Variants in TNFRSF10B observed in about 807,000 individuals in gnomAD.
The protein encoded by TNFRSF10B is tumor necrosis factor receptor superfamily member 10B.
A neutral mutation model predicts 41.4 loss-of-function variants in TNFRSF10B; 35 were observed. The ratio of observed to expected loss-of-function variants is 0.85; its 90% CI spans 0.65 to 1.12. The LOEUF (loss-of-function observed/expected upper bound fraction) is 1.12, where lower values mean the gene tolerates loss of function less well. Ranked by LOEUF, TNFRSF10B falls within the 50% of genes most tolerant of loss-of-function variation. The pLI is 0.00. For missense variants in TNFRSF10B, 584 were observed against 552.7 expected (o/e 1.06, Z -0.57); for synonymous variants, 230 against 215.5 (o/e 1.07, Z -0.59).
rs2128810874 is a variant in TNFRSF10B at position 23,024,226 on chromosome 8, C to A, written c.971G>T (p.Arg324Met). 2 of 1,613,470 alleles carry A rather than the reference C, an allele frequency of 1.2e-6. No homozygotes were observed. Among genetic ancestry groups the A allele is most frequent in the East Asian group, 2.2e-5 (1 of 44,880 alleles). ...PAEAERSQRR[R>M]LLVPANEGDP... The stretch of plus-strand genomic sequence containing the variant: ...ACCTTCATTTGCTGGAACCAGCAGC[C>A]TCCTCCTCTGAGACCTTTCAGCTTC... Residue 324 changes from arginine (R) to methionine (M), a missense_variant, in exon 8 of 9, where the codon AGG becomes ATG. Arg to Met is a moderately conservative substitution (Grantham distance 91). Transcript: ENST00000276431.
chr8:23,022,918 C>T lies in TNFRSF10B; in HGVS notation c.1076G>A (p.Arg359Lys). ...CTCATTGTCCATGAGGCCCAACTTC[C>T]TCATGAGCGGCTCCCAGGAGTCAAA... Reference protein sequence around the residue: ...VPFDSWEPLMRKLGLMDNEIK... With the variant: ...VPFDSWEPLMKKLGLMDNEIK... Residue 359 changes from arginine to lysine, a missense_variant, in exon 9 of 9, where the codon AGG becomes AAG. Arg to Lys is a conservative substitution (Grantham distance 26). Transcript: ENST00000276431. The T allele has an allele frequency of 1.2e-6, 2 of 1,614,108 alleles. No individual in the cohort carries two copies. Among genetic ancestry groups the T allele is most frequent in the Non-Finnish European group, 1.7e-6 (2 of 1,180,030 alleles).
rs1347031274 is a variant in TNFRSF10B at position 23,020,174 on chromosome 8, T to C, written c.*2497A>G. 2 of 420,680 alleles carry C rather than the reference T, an allele frequency of 4.8e-6. No homozygotes were observed. Among genetic ancestry groups the C allele is most frequent in the Non-Finnish European group, 9.6e-6 (2 of 208,526 alleles). 26.1% of individuals were successfully genotyped at this position (420,680 alleles called of 1,614,324 possible). A position where few individuals can be genotyped will look rare whatever the true frequency, so the allele number is the denominator to read the frequency against. On this transcript the variant is annotated 3_prime_UTR_variant, in exon 9 of 9. Transcript: ENST00000276431. The stretch of plus-strand genomic sequence containing the variant: ...CATATTTAATTTGGTCATGGATTCA[T>C]AAATACATAAGTATTTTGTACACAA...
intron 1 of TNFRSF10B, among the ~76,000 whole-genome samples, chr8:23,049,275 C>G (rs1248298651): frequency 6.6e-6 from 1 of 151,990 alleles, no homozygotes; most frequent in Non-Finnish European, 1.5e-5. Flanking sequence ...GTAACAAAAC[C>G]CCACCAAGAG....
At chr8:23,027,805 C>T in intron 5 of TNFRSF10B, 52 bp from the exon 6 acceptor site, 2 of 1,611,534 alleles carry the variant, frequency 1.2e-6, no homozygotes, top group South Asian at 2.2e-5. Context: ...ATGAAGCACC[C>T]CCCTCCCAGA....
chr8:23,039,093 T>C (rs561260753), intron 2 of TNFRSF10B, among the ~76,000 whole-genome samples: 1 of 151,918 alleles, frequency 6.6e-6, no homozygotes, highest in South Asian at 2.1e-4. Context: ...CATCAGGCAT[T>C]AGATTCTCAT....
In TNFRSF10B at chr8:23,021,335, AC is replaced by A; in HGVS notation, c.*1335del. ...CAAGGTCCTCAAGTAGGCAATCTGTACCCTAAAAGGCAGCTCATGGGCTCAG... is the reference window on the plus strand; with the variant it reads ...CAAGGTCCTCAAGTAGGCAATCTGTACCTAAAAGGCAGCTCATGGGCTCAG... On this transcript the variant is annotated 3_prime_UTR_variant, in exon 9 of 9. Coordinates refer to ENST00000276431, the MANE Select transcript of TNFRSF10B (RefSeq NM_003842.5). The A allele has an allele frequency of 4.4e-6, 2 of 454,112 alleles. No homozygotes were observed. Among genetic ancestry groups the A allele is most frequent in the Non-Finnish European group, 8.8e-6 (2 of 226,800 alleles). The allele number at this position is 454,112 out of a possible 1,614,324, so 28.1% of individuals were successfully genotyped here.
At chr8:23,030,611 T>G (rs910827790) in intron 3 of TNFRSF10B, 148 bp downstream of exon 3, 2 of 670,318 alleles carry the variant, frequency 3.0e-6, no homozygotes, top group Non-Finnish European at 5.4e-6. Flanking sequence ...TTTTATTTAT[T>G]AAAAAGCTCA....
chr8:23,034,984 G>A (rs1352276966), intron 2 of TNFRSF10B, among the ~76,000 whole-genome samples: 1 of 152,220 alleles, frequency 6.6e-6, no homozygotes, highest in Non-Finnish European at 1.5e-5. Context: ...ACCCTGGTAT[G>A]CAGGTGTTGA....
At chr8:23,052,440 C>T (rs1320616503) in intron 1 of TNFRSF10B, among the ~76,000 whole-genome samples, 1 of 152,076 alleles carries the variant, frequency 6.6e-6, no homozygotes, top group East Asian at 1.9e-4. Flanking sequence ...TGCCCACCAC[C>T]ACGCCTGGCT....
chr8:23,027,384 C>T, intron 6 of TNFRSF10B, 96 bp from the exon 7 acceptor site: 4 of 1,488,866 alleles, frequency 2.7e-6, no homozygotes, highest in Non-Finnish European at 2.8e-6. Context: ...CCTGACATCC[C>T]CACCCCCTCT....
intron 1 of TNFRSF10B, among the ~76,000 whole-genome samples, chr8:23,048,118 T>C (rs1485068261): frequency 6.6e-6 from 1 of 152,220 alleles, no homozygotes; most frequent in Non-Finnish European, 1.5e-5. Context: ...AGAGAAATAC[T>C]GTATGTTTTC....
At chr8:23,045,527 ATCCTT>A (rs1291408363) in intron 1 of TNFRSF10B, among the ~76,000 whole-genome samples, 1 of 152,142 alleles carries the variant, frequency 6.6e-6, no homozygotes, top group Non-Finnish European at 1.5e-5. Context: ...ACTAAAACCA[ATCCTT>A]TCTAAACTTT....
chr8:23,051,545 C>G (rs1812517585), intron 1 of TNFRSF10B, among the ~76,000 whole-genome samples: 1 of 136,844 alleles, frequency 7.3e-6, no homozygotes, highest in Admixed American at 7.9e-5. Flanking sequence ...TAGTAAAATA[C>G]TCTTTTTTTT....
intron 2 of TNFRSF10B, among the ~76,000 whole-genome samples, chr8:23,032,801 G>C (rs1048728229): frequency 4.0e-4 from 61 of 152,290 alleles, no homozygotes; most frequent in African/African-American, 1.4e-3. Context: ...AAACATTTAG[G>C]AATGATATTT....
At chr8:23,033,025 C>A (rs1242898106) in intron 2 of TNFRSF10B, among the ~76,000 whole-genome samples, 2 of 152,142 alleles carry the variant, frequency 1.3e-5, no homozygotes, top group African/African-American at 2.4e-5. Flanking sequence ...AATTTCTCAC[C>A]AGGAACCATA....
intron 1 of TNFRSF10B, among the ~76,000 whole-genome samples, chr8:23,065,552 G>A (rs1812956834): frequency 6.6e-6 from 1 of 152,228 alleles, no homozygotes; most frequent in South Asian, 2.1e-4. Flanking sequence ...CCTTCCCACA[G>A]TGGACAGAAC....
At chr8:23,033,277 C>T (rs1021594320) in intron 2 of TNFRSF10B, among the ~76,000 whole-genome samples, 11 of 152,090 alleles carry the variant, frequency 7.2e-5, no homozygotes, top group African/African-American at 2.7e-4. Context: ...AGCTCAAAGG[C>T]ATACGAAGAG....
In TNFRSF10B at chr8:23,028,446, G is replaced by A. The variant is rs1259347151; in HGVS notation, c.633C>T (p.Leu211=). ...CTGTGACTCCTATGATGATGCCTGA[G>A]AGAGAACAGGGAGAGGCAGGAGTCC... The part of the protein sequence containing the change: ...SPGTPASPCS[L]SGIIIGVTVA... The change falls in exon 5 of 9, where the codon CTC becomes CTT. Residue 211 remains leucine (L), a synonymous_variant. Coordinates refer to ENST00000276431, the MANE Select transcript of TNFRSF10B (RefSeq NM_003842.5). 11 of 1,614,086 alleles carry A rather than the reference G, an allele frequency of 6.8e-6. No homozygotes were observed. Among genetic ancestry groups the A allele is most frequent in the Admixed American group, 1.7e-5 (1 of 60,010 alleles).
At chr8:23,036,873 A>G (rs1812045554) in intron 2 of TNFRSF10B, among the ~76,000 whole-genome samples, 1 of 152,086 alleles carries the variant, frequency 6.6e-6, no homozygotes, top group Non-Finnish European at 1.5e-5. Flanking sequence ...ACTGGGCAGA[A>G]CTCTGAGCAG....
Sources: gnomAD v4.1 joint callset for allele counts (sites outside exome capture counted in the v4.1 genomes callset) on GRCh38, gnomAD v4.1.1 for gene constraint, MANE v1.5 for transcripts, NCBI Gene and HGNC (gene_info 2026-07-23, HGNC 2026-07-21) for gene names.